The following KANK1 variants were observed in gnomAD, a reference collection of about 807,000 sequenced individuals.
KANK1 encodes KN motif and ankyrin repeat domains 1.
A neutral mutation model predicts 106.2 loss-of-function variants in KANK1; 109 were observed. That is an observed-to-expected ratio of 1.03 (90% CI 0.88 to 1.20). The LOEUF (loss-of-function observed/expected upper bound fraction) is 1.20, where lower values mean the gene tolerates loss of function less well. Among genes scored for constraint, KANK1 ranks in the 50% most tolerant of loss-of-function variants. The probability of loss-of-function intolerance (pLI) is 0.00; values close to 1 mark genes in which losing one functional copy is unlikely to be tolerated. For missense variants in KANK1, 2,399 were observed against 1,710.7 expected (o/e 1.40, Z -7.10); for synonymous variants, 873 against 652.2 (o/e 1.34, Z -5.16).
At chr9:742,828 C>T (rs77096017) in intron 10 of KANK1, among the ~76,000 whole-genome samples, 5,033 of 152,232 alleles carry the variant, frequency 0.033, 109 homozygotes, top group Non-Finnish European at 0.048. Context: ...CTATAGTGAA[C>T]CTTTTCCACC....
At chr9:656,333 C>T (rs570466040) in intron 1 of KANK1, among the ~76,000 whole-genome samples, 2 of 152,122 alleles carry the variant, frequency 1.3e-5, no homozygotes, top group African/African-American at 4.8e-5. Context: ...GAATCTGTTT[C>T]CCCTGGCTTG....
rs36072780 is a variant in KANK1 at position 528,469 on chromosome 9, C to CTTTTTTT, written c.-84+23739_-84+23745dup. Among the ~76,000 whole-genome samples the CTTTTTTT allele has an allele frequency of 5.9e-4, 50 of 85,126 alleles. 2 individuals carry two copies. The highest frequency in any genetic ancestry group is 1.7e-3 in the African/African-American group (39 of 23,626). 55.8% of individuals were successfully genotyped at this position (85,126 alleles called of 152,430 possible). A position where few individuals can be genotyped will look rare whatever the true frequency, so the allele number is the denominator to read the frequency against. ...ACCATTTTACTGAATTAAAAAATAA[C>CTTTTTTT]TTTTTTTTTTTTTTTTTTTTTTTTT... On this transcript the variant is annotated intron_variant, in intron 1 of 11. Transcript: ENST00000382297.
intron 2 of KANK1, among the ~76,000 whole-genome samples, chr9:696,894 C>T (rs1363658077): frequency 6.6e-6 from 1 of 152,088 alleles, no homozygotes; most frequent in African/African-American, 2.4e-5. Context: ...GGGCTGTGCT[C>T]CCTAGTGGCA....
At position 670,358 on chromosome 9, in the gene KANK1, T is replaced by A. The variant is rs1389457893; in HGVS notation, c.-83-6532T>A. Among the ~76,000 whole-genome samples the A allele has an allele frequency of 2.6e-5, 4 of 152,304 alleles. No homozygotes were observed. The East Asian group carries it at 5.8e-4, about 22-fold the overall frequency. On this transcript the variant is annotated intron_variant, in intron 1 of 11. Coordinates refer to ENST00000382297, the MANE Select transcript of KANK1 (RefSeq NM_015158.5). ...TCTAGTCTGTTTTGGTTTTTACTGGTATGTTTGCTTAGAGATTATTTGTAA... is the reference window on the plus strand; with the variant it reads ...TCTAGTCTGTTTTGGTTTTTACTGGAATGTTTGCTTAGAGATTATTTGTAA...
intron 1 of KANK1, among the ~76,000 whole-genome samples, chr9:584,838 G>T (rs1444618922): frequency 6.6e-6 from 1 of 152,188 alleles, no homozygotes; most frequent in Admixed American, 6.5e-5. Flanking sequence ...TAAGTTCAGG[G>T]TTAGAAAATG....
intron 3 of KANK1, among the ~76,000 whole-genome samples, chr9:475,137 TTG>T (rs1387057106): frequency 6.6e-6 from 1 of 152,126 alleles, no homozygotes; most frequent in African/African-American, 2.4e-5. Context: ...ATCTCAGGAA[TTG>T]GGCAGGTGGG....
intron 1 of KANK1, among the ~76,000 whole-genome samples, chr9:655,574 A>T (rs1841963568): frequency 1.3e-5 from 2 of 152,106 alleles, no homozygotes; most frequent in South Asian, 4.2e-4. Flanking sequence ...GTAGGGCCCA[A>T]AATGCTGCTT....
At chr9:586,149 G>C (rs1479934415) in intron 1 of KANK1, among the ~76,000 whole-genome samples, 1 of 152,196 alleles carries the variant, frequency 6.6e-6, no homozygotes, top group Non-Finnish European at 1.5e-5. Flanking sequence ...TTTATGCATA[G>C]TGAGATGGAA....
intron 3 of KANK1, 91 bp from the exon 4 acceptor site, chr9:729,960 T>A (rs547209914): frequency 1.8e-6 from 2 of 1,138,010 alleles, no homozygotes; most frequent in African/African-American, 1.6e-5. Flanking sequence ...ATAGTCCCAT[T>A]TTAAATTATG....
intron 1 of KANK1, among the ~76,000 whole-genome samples, chr9:529,726 A>G (rs1031494596): frequency 6.6e-6 from 1 of 152,208 alleles, no homozygotes; most frequent in Non-Finnish European, 1.5e-5. Flanking sequence ...TTGATTTGCT[A>G]CATCCAACAA....
intron 3 of KANK1, among the ~76,000 whole-genome samples, chr9:722,062 A>C (rs1235593874): frequency 6.6e-6 from 1 of 152,022 alleles, no homozygotes; most frequent in Non-Finnish European, 1.5e-5. Context: ...GACATAGCTG[A>C]CTCCGTCTTA....
At chr9:537,957 C>T (rs2060388739) in intron 1 of KANK1, among the ~76,000 whole-genome samples, 1 of 152,202 alleles carries the variant, frequency 6.6e-6, no homozygotes, top group East Asian at 1.9e-4. Context: ...TATTTTCTCA[C>T]TCAACACAAC....
chr9:581,619 T>C (rs948875972), intron 1 of KANK1, among the ~76,000 whole-genome samples: 2 of 152,236 alleles, frequency 1.3e-5, no homozygotes, highest in African/African-American at 4.8e-5. Context: ...GTTTGCTAAA[T>C]AGACTTAATC....
intron 3 of KANK1, among the ~76,000 whole-genome samples, chr9:486,907 T>A (rs2132248298): frequency 6.6e-6 from 1 of 152,340 alleles, no homozygotes; most frequent in East Asian, 1.9e-4. Context: ...AAGTCTAATT[T>A]TTATGTCTTC....
At chr9:725,386 G>C (rs1307858171) in intron 3 of KANK1, among the ~76,000 whole-genome samples, 1 of 151,714 alleles carries the variant, frequency 6.6e-6, no homozygotes, top group Non-Finnish European at 1.5e-5. Context: ...CCAGCTACTT[G>C]GGAGGCTGAG....
chr9:717,931 CCTG>C (rs1328395216), intron 3 of KANK1, among the ~76,000 whole-genome samples: 1 of 152,116 alleles, frequency 6.6e-6, no homozygotes, highest in East Asian at 1.9e-4. Context: ...ACTGAAAAGA[CCTG>C]CTTTTTAAAA....
upstream of KANK1, among the ~76,000 whole-genome samples, chr9:501,850 CGA>C (rs1587282031): frequency 6.6e-6 from 1 of 152,164 alleles, no homozygotes; most frequent in Non-Finnish European, 1.5e-5. Context: ...CCCAGCCTCG[CGA>C]GAGTCTTTAT....
At chr9:694,232 C>A (rs891631247) in intron 2 of KANK1, among the ~76,000 whole-genome samples, 2 of 152,170 alleles carry the variant, frequency 1.3e-5, no homozygotes, top group Non-Finnish European at 2.9e-5. Context: ...CACCCCACCT[C>A]CCCCTGGCCA....
At chr9:577,581 C>G (rs1820919333) in intron 1 of KANK1, among the ~76,000 whole-genome samples, 1 of 152,188 alleles carries the variant, frequency 6.6e-6, no homozygotes, top group Admixed American at 6.5e-5. Context: ...AGTATCATCT[C>G]CCAGATAGCT....
Sources: gnomAD v4.1 joint callset for allele counts (sites outside exome capture counted in the v4.1 genomes callset) on GRCh38, gnomAD v4.1.1 for gene constraint, MANE v1.5 for transcripts, NCBI Gene and HGNC (gene_info 2026-07-23, HGNC 2026-07-21) for gene names.